Variants in TUSC3 observed in about 807,000 individuals in gnomAD.
TUSC3 encodes the protein tumor suppressor candidate 3.
In TUSC3, 45 loss-of-function variants were observed where a neutral mutation model predicts 44.8. That is an observed-to-expected ratio of 1.00 (90% CI 0.79 to 1.29). The LOEUF is 1.29. Ranked by LOEUF, TUSC3 falls within the 50% of genes most tolerant of loss-of-function variation. TUSC3 has a pLI of 0.00. For synonymous variants in TUSC3, 212 were observed against 152.9 expected (o/e 1.39, Z -2.85); for missense variants, 519 against 437.9 (o/e 1.19, Z -1.65).
intron 1 of TUSC3, among the ~76,000 whole-genome samples, chr8:15,591,143 G>GA (rs1340476035): frequency 6.6e-6 from 1 of 151,998 alleles, no homozygotes; most frequent in East Asian, 1.9e-4. Context: ...GGTTATTTCA[G>GA]AAAAAATATT....
At chr8:15,810,419 C>T in the TUSC3 span, among the ~76,000 whole-genome samples, 3 of 152,166 alleles carry the variant, frequency 2.0e-5, no homozygotes, top group Non-Finnish European at 4.4e-5. Flanking sequence ...GGGAGGATCA[C>T]TTGAGCCCAG....
chr8:15,620,985 G>A (rs1470239359), intron 1 of TUSC3, among the ~76,000 whole-genome samples: 3 of 141,532 alleles, frequency 2.1e-5, no homozygotes, highest in Non-Finnish European at 4.9e-5. Context: ...TGTGTGTGGT[G>A]TGTGTCTGTG....
At chr8:15,663,470 T>C (rs1332754218) in intron 5 of TUSC3, among the ~76,000 whole-genome samples, 1 of 151,828 alleles carries the variant, frequency 6.6e-6, no homozygotes. Context: ...TCTTGATGAC[T>C]AAGTTGGAAG....
intron 1 of TUSC3, among the ~76,000 whole-genome samples, chr8:15,555,547 G>A (rs1262142609): frequency 6.6e-6 from 1 of 150,996 alleles, no homozygotes; most frequent in Non-Finnish European, 1.5e-5. Context: ...CCCCTGCCTT[G>A]GCCTCCCAGA....
chr8:15,800,723 G>A, the TUSC3 span, among the ~76,000 whole-genome samples: 1 of 152,144 alleles, frequency 6.6e-6, no homozygotes, highest in Non-Finnish European at 1.5e-5. Context: ...TATAAAAAGT[G>A]CCTTCTTAGT....
At chr8:15,441,508 T>A (rs1800020169) in intron 1 of TUSC3, among the ~76,000 whole-genome samples, 1 of 152,222 alleles carries the variant, frequency 6.6e-6, no homozygotes, top group South Asian at 2.1e-4. Context: ...TCAGTGATAT[T>A]CTTGGAACAT....
intron 6 of TUSC3, among the ~76,000 whole-genome samples, chr8:15,726,278 ATAT>A (rs1217878320): frequency 1.3e-5 from 2 of 152,150 alleles, no homozygotes; most frequent in Non-Finnish European, 2.9e-5. Flanking sequence ...AGAAACACTA[ATAT>A]TAAACAAAAT....
At chr8:15,771,639 A>G (rs1419829327), downstream of TUSC3, among the ~76,000 whole-genome samples, 7 of 152,174 alleles carry the variant, frequency 4.6e-5, no homozygotes, top group Non-Finnish European at 2.9e-5. Context: ...AAAATAAATA[A>G]TATAAAACAA....
At chr8:15,640,142 T>C (rs1203408592) in intron 2 of TUSC3, among the ~76,000 whole-genome samples, 1 of 152,166 alleles carries the variant, frequency 6.6e-6, no homozygotes, top group Non-Finnish European at 1.5e-5. Flanking sequence ...GAACACCTGC[T>C]TTTTTTGTGT....
At chr8:15,710,014 C>T (rs1809779115) in intron 6 of TUSC3, among the ~76,000 whole-genome samples, 1 of 151,824 alleles carries the variant, frequency 6.6e-6, no homozygotes, top group South Asian at 2.1e-4. Context: ...CAGGATCCCT[C>T]CAAATGTAGT....
At chr8:15,661,573 C>T (rs10103222) in intron 4 of TUSC3, among the ~76,000 whole-genome samples, 53 of 151,978 alleles carry the variant, frequency 3.5e-4, no homozygotes, top group East Asian at 1.9e-3. Flanking sequence ...ACTGGTGATA[C>T]GAATTTCAAA....
chr8:15,601,184 A>G (rs943343185), intron 1 of TUSC3, among the ~76,000 whole-genome samples: 1 of 151,732 alleles, frequency 6.6e-6, no homozygotes, highest in African/African-American at 2.4e-5. Flanking sequence ...ACTCATTTCC[A>G]AAGAGTATTA....
At chr8:15,848,091 G>T in the TUSC3 span, among the ~76,000 whole-genome samples, 1 of 151,682 alleles carries the variant, frequency 6.6e-6, no homozygotes, top group African/African-American at 2.4e-5. Flanking sequence ...TTCCTTCCCC[G>T]TGCCAATACT....
rs114929439 is a variant in TUSC3, at chr8:15,625,268, T to A, written c.308+2019T>A. On this transcript the variant is annotated intron_variant, in intron 2 of 10. Transcript: ENST00000503731. ...CTAATTTTTTTTTGAAGAAGTTTGA[T>A]CTAAGTTAATGATAGACACTGGTCT... Among the ~76,000 whole-genome samples the A allele has an allele frequency of 3.4e-3, 522 of 152,308 alleles. 3 individuals carry two copies. The highest frequency in any genetic ancestry group is 0.012 in the African/African-American group (510 of 41,576).
At chr8:15,703,002 C>T (rs1400214341) in intron 6 of TUSC3, among the ~76,000 whole-genome samples, 1 of 152,212 alleles carries the variant, frequency 6.6e-6, no homozygotes, top group Non-Finnish European at 1.5e-5. Flanking sequence ...ACCACACAGT[C>T]GTGCAATGGA....
chr8:15,546,210 T>G (rs2129134625), intron 1 of TUSC3, among the ~76,000 whole-genome samples: 1 of 151,998 alleles, frequency 6.6e-6, no homozygotes, highest in African/African-American at 2.4e-5. Flanking sequence ...CTTCTCAAAC[T>G]GAGCATGTCT....
chr8:15,459,634 G>C (rs74724601), intron 1 of TUSC3, among the ~76,000 whole-genome samples: 2,722 of 151,894 alleles, frequency 0.018, 87 homozygotes, highest in African/African-American at 0.062. Flanking sequence ...ACCCTTCTCT[G>C]CGAGTCTCCA....
chr8:15,446,680 T>C (rs13262876), intron 1 of TUSC3, among the ~76,000 whole-genome samples: 82,344 of 143,312 alleles, frequency 0.57, 25,480 homozygotes, highest in East Asian at 0.74. Flanking sequence ...GGTGGCAGTC[T>C]AGTCCAGCCT....
intron 9 of TUSC3, 193 bp downstream of exon 9, chr8:15,748,658 G>C (rs762534980): frequency 6.8e-6 from 5 of 732,618 alleles, no homozygotes; most frequent in Middle Eastern, 2.4e-4. Flanking sequence ...CATGGTTCTT[G>C]TTCCCTGACA....
Sources: gnomAD v4.1 joint callset for allele counts (sites outside exome capture counted in the v4.1 genomes callset) on GRCh38, gnomAD v4.1.1 for gene constraint, MANE v1.5 for transcripts, NCBI Gene and HGNC (gene_info 2026-07-23, HGNC 2026-07-21) for gene names.